Variants in THADA observed in about 807,000 individuals in gnomAD.
The protein encoded by THADA is tRNA (32-2'-O)-methyltransferase regulator THADA.
In THADA, 213 loss-of-function variants were observed where a neutral mutation model predicts 219.8. The observed-to-expected ratio is 0.97, with a 90% CI of 0.87 to 1.09. THADA has a LOEUF of 1.09. Among genes scored for constraint, THADA ranks in the 50% least tolerant of loss-of-function variants. The pLI is 0.00. For synonymous variants in THADA, 1,018 were observed against 828.9 expected, an observed-to-expected ratio of 1.23 and a Z score of -3.92; for missense variants, 2,956 against 2,311.3, an observed-to-expected ratio of 1.28 and a Z score of -5.72.
chr2:43,485,363 T>G, intron 25 of THADA, 38 bp from the exon 26 acceptor site: 4 of 1,477,300 alleles, frequency 2.7e-6, no homozygotes, highest in Non-Finnish European at 3.8e-6. Context: ...GCTTAAATAT[T>G]CTTGGCATGA....
At chr2:43,461,906 GGT>G (rs1178266561) in intron 26 of THADA, among the ~76,000 whole-genome samples, 1 of 152,124 alleles carries the variant, frequency 6.6e-6, no homozygotes, top group African/African-American at 2.4e-5. Context: ...GCAACACAAC[GGT>G]GTTAGTTTGC....
chr2:43,313,778 T>C (rs1478994067), intron 31 of THADA, among the ~76,000 whole-genome samples: 1 of 152,252 alleles, frequency 6.6e-6, no homozygotes, highest in African/African-American at 2.4e-5. Context: ...GCCTGGGAAG[T>C]TGAGTCCACG....
chr2:43,560,847 T>C (rs1054997233), intron 15 of THADA, among the ~76,000 whole-genome samples: 1 of 151,468 alleles, frequency 6.6e-6, no homozygotes, highest in Non-Finnish European at 1.5e-5. Flanking sequence ...TAAAACCCCT[T>C]CTCTACTAAA....
chr2:43,554,493 C>G (rs1400308876), intron 17 of THADA, among the ~76,000 whole-genome samples: 1 of 152,100 alleles, frequency 6.6e-6, no homozygotes, highest in Admixed American at 6.6e-5. Flanking sequence ...TACAGAAAAA[C>G]TGGACAAAGG....
rs562638227 is a variant in THADA, at chr2:43,265,804, A to T, written c.5296+13961T>A. 3.9e-5 allele frequency among the ~76,000 whole-genome samples: 6 copies of T among 152,146 alleles called. No homozygotes were observed. In the South Asian group the frequency reaches 1.0e-3, roughly 26 times the overall value. ...TTTCCTAACTCCATTCCCCACCCTG[A>T]CCCACTCCACAGCAGAAACCAATTT... On this transcript the variant is annotated intron_variant, in intron 36 of 37. Transcript: ENST00000405975.
intron 22 of THADA, among the ~76,000 whole-genome samples, chr2:43,522,046 T>C (rs1692557332): frequency 6.6e-6 from 1 of 152,226 alleles, no homozygotes; most frequent in South Asian, 2.1e-4. Context: ...CAATCTCTAA[T>C]TATTTCATAA....
intron 22 of THADA, among the ~76,000 whole-genome samples, chr2:43,512,997 T>G (rs1191507982): frequency 1.3e-5 from 2 of 152,132 alleles, no homozygotes; most frequent in East Asian, 3.9e-4. Flanking sequence ...TATATCACAG[T>G]GGTTAGGAAC....
chr2:43,248,090 A>G (rs1022125510), intron 36 of THADA, among the ~76,000 whole-genome samples: 1 of 146,772 alleles, frequency 6.8e-6, no homozygotes, highest in Non-Finnish European at 1.5e-5. Flanking sequence ...TAAGAAAATA[A>G]AGGAGAACTT....
Position 43,312,404 on chromosome 2 carries a change from C to A in THADA, c.4438+8042G>T, listed in dbSNP as rs1399120265. On this transcript the variant is annotated intron_variant, in intron 31 of 37. Transcript: ENST00000405975. ...GTGAATAAGGAGTCAGGAAAGCTCA[C>A]CCTTTTCACTAACCAGCTGTGTAAC... Among the ~76,000 whole-genome samples, 4 of 152,100 alleles carry A rather than the reference C, an allele frequency of 2.6e-5. No individual in the cohort carries two copies. The South Asian group carries it at 8.3e-4, about 32-fold the overall frequency.
intron 14 of THADA, among the ~76,000 whole-genome samples, chr2:43,569,001 C>T (rs1698997103): frequency 6.6e-6 from 1 of 152,140 alleles, no homozygotes; most frequent in Non-Finnish European, 1.5e-5. Context: ...CAGGGTCTCG[C>T]TGCTCTGTTG....
At chr2:43,402,049 T>A (rs1445459189) in intron 28 of THADA, among the ~76,000 whole-genome samples, 2 of 152,226 alleles carry the variant, frequency 1.3e-5, no homozygotes, top group African/African-American at 4.8e-5. Context: ...GCACACAATT[T>A]CCCACACAGT....
chr2:43,468,793 G>T (rs1684568954), intron 26 of THADA, among the ~76,000 whole-genome samples: 1 of 152,134 alleles, frequency 6.6e-6, no homozygotes, highest in South Asian at 2.1e-4. Context: ...AGGAAAGGAA[G>T]ACCAAGTGCT....
intron 36 of THADA, among the ~76,000 whole-genome samples, chr2:43,248,276 C>T (rs1442024625): frequency 2.7e-5 from 4 of 149,384 alleles, no homozygotes; most frequent in Non-Finnish European, 5.9e-5. Context: ...GTCACCCAGG[C>T]TGGAGTGCAG....
At chr2:43,265,252 G>A (rs998248405) in intron 36 of THADA, among the ~76,000 whole-genome samples, 6 of 152,224 alleles carry the variant, frequency 3.9e-5, no homozygotes, top group Non-Finnish European at 2.9e-5. Flanking sequence ...AGTGCATCTG[G>A]ACAACCTCCT....
At chr2:43,493,917 T>C (rs1687956735) in intron 25 of THADA, among the ~76,000 whole-genome samples, 1 of 152,192 alleles carries the variant, frequency 6.6e-6, no homozygotes, top group Admixed American at 6.5e-5. Flanking sequence ...AAGTCTCCAC[T>C]TTTACCTACA....
intron 31 of THADA, among the ~76,000 whole-genome samples, chr2:43,310,002 A>G (rs1012993664): frequency 3.3e-5 from 5 of 152,238 alleles, no homozygotes; most frequent in Non-Finnish European, 5.9e-5. Context: ...TTATTTAATG[A>G]AAGATGTGCA....
In THADA at chr2:43,320,525, C is replaced by G. The variant is rs777623248; in HGVS notation, c.4359G>C (p.Leu1453Phe). ...LWLAKRQNPC[L>F]VTRAVYIDIL... ...TATCAATATATACAGCTCTGGTCAC[C>G]AAACATGGATTTTGCCTAGAAAGGT... The change falls in exon 31 of 38, where the codon TTG becomes TTC. Residue 1453 changes from leucine to phenylalanine, a missense_variant. Leu to Phe is a conservative substitution (Grantham distance 22). Transcript: ENST00000405975. 7 of 1,611,612 alleles carry G rather than the reference C, an allele frequency of 4.3e-6. No homozygotes were observed. In the African/African-American group the frequency reaches 6.7e-5, roughly 15 times the overall value.
Position 43,556,408 on chromosome 2 carries a change from G to A in THADA, c.2611C>T (p.Gln871Ter). The change falls in exon 17 of 38, where the codon CAG (glutamine) becomes TAG (stop). Residue 871 changes from glutamine to a stop codon, truncating the protein, a stop_gained. Transcript: ENST00000405975. LOFTEE classifies it high-confidence loss of function. ...LPSSLSAYLT[Q>*]QVACDNGDRP... ...TCTCCATTATCACATGCAACTTGCT[G>A]AGTTAAGTAGGCAGACAAGGATGAC... 2 of 1,613,830 alleles carry A rather than the reference G, an allele frequency of 1.2e-6. No individual in the cohort carries two copies. Among genetic ancestry groups the A allele is most frequent in the East Asian group, 4.5e-5 (2 of 44,870 alleles).
chr2:43,280,657 A>C lies in THADA; in HGVS notation c.5165-761T>G, dbSNP rs974750497. ...GCTCCCGACCAAAAAAACAAAAAACAAAACAACAACAACAACAAAAAAAAG... is the reference window on the plus strand; with the variant it reads ...GCTCCCGACCAAAAAAACAAAAAACCAAACAACAACAACAACAAAAAAAAG... On this transcript the variant is annotated intron_variant, in intron 35 of 37. Transcript: ENST00000405975. Among the ~76,000 whole-genome samples, 9 of 152,152 alleles carry C rather than the reference A, an allele frequency of 5.9e-5. No homozygotes were observed. In the East Asian group the frequency reaches 1.5e-3, roughly 26 times the overall value.
Sources: allele counts gnomAD v4.1 joint callset (sites outside exome capture counted in the v4.1 genomes callset), GRCh38; gene constraint gnomAD v4.1.1; transcripts MANE v1.5; gene names NCBI Gene and HGNC (gene_info 2026-07-23, HGNC 2026-07-21).